Variants in SPAG16 observed in about 807,000 individuals in gnomAD.
SPAG16 encodes the protein sperm associated antigen 16.
In SPAG16, 86 loss-of-function variants were observed where a neutral mutation model predicts 80.4. That is an observed-to-expected ratio of 1.07 (90% CI 0.90 to 1.28). SPAG16 has a LOEUF of 1.28. Ranked by LOEUF, SPAG16 falls within the 50% of genes most tolerant of loss-of-function variation. The pLI is 0.00. For missense variants in SPAG16, 870 were observed against 765.3 expected, an observed-to-expected ratio of 1.14 and a Z score of -1.61; for synonymous variants, 294 against 265.9, an observed-to-expected ratio of 1.11 and a Z score of -1.03.
In SPAG16 at chr2:214,238,332, T is replaced by C. The variant is rs192775909; in HGVS notation, c.1720+89066T>C. Reference sequence around the variant, plus strand: ...GCCATTTCATACTACCCAATTTCCATGTAATTTGTCTCTCTAATCTTGTCA... The same window carrying C: ...GCCATTTCATACTACCCAATTTCCACGTAATTTGTCTCTCTAATCTTGTCA... On this transcript the variant is annotated intron_variant, in intron 15 of 15. Coordinates refer to ENST00000331683, the MANE Select transcript of SPAG16 (RefSeq NM_024532.5). 1.5e-4 allele frequency: 28 copies of C among 184,202 alleles called. 2 individuals are homozygous for C. The highest frequency in any genetic ancestry group is 4.8e-4 in the African/African-American group (20 of 42,088). The allele number at this position is 184,202 out of a possible 1,614,324, so 11.4% of individuals were successfully genotyped here.
chr2:213,810,460 G>A (rs1264331913), intron 10 of SPAG16, among the ~76,000 whole-genome samples: 1 of 152,180 alleles, frequency 6.6e-6, no homozygotes, highest in Non-Finnish European at 1.5e-5. Flanking sequence ...CTTCAGAGAA[G>A]ATAAGACATT....
intron 10 of SPAG16, among the ~76,000 whole-genome samples, chr2:213,732,143 T>G (rs990550962): frequency 6.6e-6 from 1 of 152,188 alleles, no homozygotes; most frequent in African/African-American, 2.4e-5. Context: ...GGCTAGCCAG[T>G]TTTCCCAGCA....
chr2:213,582,529 C>G (rs368297128), intron 10 of SPAG16, among the ~76,000 whole-genome samples: 1 of 151,822 alleles, frequency 6.6e-6, no homozygotes, highest in African/African-American at 2.4e-5. Context: ...GGGGCAAGAA[C>G]GAAGATAGAA....
intron 11 of SPAG16, among the ~76,000 whole-genome samples, chr2:213,894,109 A>C (rs1559559563): frequency 6.6e-6 from 1 of 152,164 alleles, no homozygotes; most frequent in Non-Finnish European, 1.5e-5. Context: ...ATATCAGATA[A>C]AATAAACTAC....
In SPAG16 at chr2:213,973,777, C is replaced by A. The variant is rs72934028; in HGVS notation, c.1401-40174C>A. Among the ~76,000 whole-genome samples, 13 of 151,926 alleles carry A rather than the reference C, an allele frequency of 8.6e-5. No individual in the cohort carries two copies. In the South Asian group the frequency reaches 2.7e-3, roughly 32 times the overall value. On this transcript the variant is annotated intron_variant, in intron 12 of 15. Transcript: ENST00000331683. ...GCACAGATGTTTGGAGCTGCCTAATCTGGTGTTTTGTGGATATTGCTCTCC... is the reference window on the plus strand; with the variant it reads ...GCACAGATGTTTGGAGCTGCCTAATATGGTGTTTTGTGGATATTGCTCTCC...
chr2:213,790,299 A>G (rs1435522031), intron 10 of SPAG16, among the ~76,000 whole-genome samples: 1 of 151,826 alleles, frequency 6.6e-6, no homozygotes, highest in African/African-American at 2.4e-5. Flanking sequence ...ATAAACTTTT[A>G]ACTCCTCATC....
At chr2:214,032,782 A>T (rs539963128) in intron 13 of SPAG16, among the ~76,000 whole-genome samples, 5 of 152,350 alleles carry the variant, frequency 3.3e-5, no homozygotes, top group South Asian at 4.1e-4. Flanking sequence ...CTTTGGAGGC[A>T]TACCAAGTGT....
At chr2:213,368,909 A>G (rs994071755) in intron 8 of SPAG16, among the ~76,000 whole-genome samples, 1 of 152,334 alleles carries the variant, frequency 6.6e-6, no homozygotes, top group Admixed American at 6.5e-5. Flanking sequence ...CAATGAAGTA[A>G]AAGAGGACAC....
Position 213,878,645 on chromosome 2 carries a change from G to A in SPAG16, c.1214+16017G>A, listed in dbSNP as rs2076230586. ...TGATTATTTATGTTTCTGTGCAGAAGCTTTTCAGTTTAATTAAGTCTATTT... is the reference window on the plus strand; with the variant it reads ...TGATTATTTATGTTTCTGTGCAGAAACTTTTCAGTTTAATTAAGTCTATTT... On this transcript the variant is annotated intron_variant, in intron 11 of 15. Transcript: ENST00000331683. 2.0e-5 allele frequency among the ~76,000 whole-genome samples: 3 copies of A among 152,104 alleles called. No homozygotes were observed. In the South Asian group the frequency reaches 6.2e-4, roughly 31 times the overall value.
Position 213,611,340 on chromosome 2 carries a change from A to G in SPAG16, c.1070+121250A>G, listed in dbSNP as rs184365821. Among the ~76,000 whole-genome samples the G allele has an allele frequency of 3.2e-3, 483 of 152,324 alleles. 2 individuals carry two copies. The highest frequency in any genetic ancestry group is 5.2e-3 in the Non-Finnish European group (351 of 68,024). On this transcript the variant is annotated intron_variant, in intron 10 of 15. Transcript: ENST00000331683. ...AAAACATTGATTAAGTTGACAGTCC[A>G]TTGGTAAGCATGTATTAATAGCATG...
chr2:213,670,359 A>G (rs571927761), intron 10 of SPAG16, among the ~76,000 whole-genome samples: 15 of 152,186 alleles, frequency 9.9e-5, no homozygotes, highest in Non-Finnish European at 2.1e-4. Flanking sequence ...CACTTATTTC[A>G]TACAGCAATA....
At chr2:213,872,778 T>C (rs2076002878) in intron 11 of SPAG16, among the ~76,000 whole-genome samples, 1 of 152,134 alleles carries the variant, frequency 6.6e-6, no homozygotes, top group Non-Finnish European at 1.5e-5. Flanking sequence ...TCTAGTCGAA[T>C]ATGTTGATCA....
At chr2:213,286,277 TTGAC>T (rs1156870986) in intron 1 of SPAG16, among the ~76,000 whole-genome samples, 3 of 152,218 alleles carry the variant, frequency 2.0e-5, no homozygotes, top group Non-Finnish European at 4.4e-5. Context: ...CTTTCTTTGG[TTGAC>T]TGACTGCTAT....
chr2:213,974,515 C>T (rs1273778743), intron 12 of SPAG16, among the ~76,000 whole-genome samples: 1 of 151,818 alleles, frequency 6.6e-6, no homozygotes, highest in Non-Finnish European at 1.5e-5. Context: ...GAGTATGTTT[C>T]AATGAAATAT....
chr2:213,810,222 G>A (rs1353905325), intron 10 of SPAG16, among the ~76,000 whole-genome samples: 8 of 152,140 alleles, frequency 5.3e-5, no homozygotes, highest in Non-Finnish European at 1.2e-4. Context: ...TGTTGCCAAA[G>A]TAGACTGAGA....
chr2:214,327,099 A>G (rs1696552729), intron 15 of SPAG16, among the ~76,000 whole-genome samples: 1 of 152,192 alleles, frequency 6.6e-6, no homozygotes, highest in Non-Finnish European at 1.5e-5. Context: ...ATCTTTCTCT[A>G]GAGTAAAATT....
intron 10 of SPAG16, among the ~76,000 whole-genome samples, chr2:213,721,726 G>A (rs1480873629): frequency 1.3e-5 from 2 of 152,190 alleles, no homozygotes; most frequent in African/African-American, 4.8e-5. Flanking sequence ...ACCCTAGTAT[G>A]CCAATCATTT....
intron 10 of SPAG16, among the ~76,000 whole-genome samples, chr2:213,740,978 G>T (rs1490810911): frequency 1.3e-5 from 2 of 152,184 alleles, no homozygotes; most frequent in African/African-American, 4.8e-5. Context: ...TCATGCCATA[G>T]TGTGAGTTTT....
intron 12 of SPAG16, among the ~76,000 whole-genome samples, chr2:213,986,482 A>G (rs1247484363): frequency 6.6e-6 from 1 of 152,018 alleles, no homozygotes; most frequent in Non-Finnish European, 1.5e-5. Context: ...ATGTTTATAC[A>G]TTAGCTTAGA....
Sources: allele counts gnomAD v4.1 joint callset (sites outside exome capture counted in the v4.1 genomes callset), GRCh38; gene constraint gnomAD v4.1.1; transcripts MANE v1.5; gene names NCBI Gene and HGNC (gene_info 2026-07-23, HGNC 2026-07-21).